RGSL1: variants seen among roughly 807,000 people sequenced by gnomAD.
RGSL1 encodes regulator of G protein signaling protein-like.
In RGSL1, 97 loss-of-function variants were observed where a neutral mutation model predicts 124.7. The observed-to-expected ratio is 0.78, with a 90% CI of 0.66 to 0.92. RGSL1 has a LOEUF of 0.92. Among genes scored for constraint, RGSL1 ranks in the 40% least tolerant of loss-of-function variants. RGSL1 has a pLI of 0.00. For missense variants in RGSL1, 1,233 were observed against 1,288.4 expected, an observed-to-expected ratio of 0.96 and a Z score of 0.66; for synonymous variants, 424 against 438.1, an observed-to-expected ratio of 0.97 and a Z score of 0.40.
At chr1:182,542,557 G>A (rs182478242) in intron 15 of RGSL1, among the ~76,000 whole-genome samples, 1 of 139,816 alleles carries the variant, frequency 7.2e-6, no homozygotes, top group African/African-American at 2.6e-5. Flanking sequence ...GGTCTTTTGT[G>A]GTTCCGTGTA....
At chr1:182,512,831 T>C (rs1657561690) in intron 9 of RGSL1, among the ~76,000 whole-genome samples, 1 of 152,042 alleles carries the variant, frequency 6.6e-6, no homozygotes, top group African/African-American at 2.4e-5. Flanking sequence ...TCCCCTGGAG[T>C]TTGGCTACCC....
Position 182,460,160 on chromosome 1 carries a change from C to CTG in RGSL1, c.301+51_301+52dup, listed in dbSNP as rs10572829. ...TAAGCATTGGTGTGCATGCGTGTGT[C>CTG]TGTGTGTGTGTGTGTGTGTGTGTGT... On this transcript the variant is annotated intron_variant, in intron 4 of 21. Transcript: ENST00000294854. 3.8e-3 allele frequency: 5,475 copies of CTG among 1,429,132 alleles called. 5 individuals carry two copies. The highest frequency in any genetic ancestry group is 6.2e-3 in the Admixed American group (263 of 42,434). The allele number at this position is 1,429,132 out of a possible 1,614,324, so 88.5% of individuals were successfully genotyped here.
At chr1:182,519,217 C>T (rs886819707) in intron 9 of RGSL1, among the ~76,000 whole-genome samples, 1 of 149,000 alleles carries the variant, frequency 6.7e-6, no homozygotes, top group Non-Finnish European at 1.5e-5. Flanking sequence ...CTTTCTTTTT[C>T]ATTGATTTTT....
intron 21 of RGSL1, among the ~76,000 whole-genome samples, chr1:182,558,244 A>G (rs559087518): frequency 6.6e-6 from 1 of 152,240 alleles, no homozygotes; most frequent in Admixed American, 6.5e-5. Context: ...GTCTAGTTTG[A>G]ATAAAAAATA....
chr1:182,555,801 T>C, intron 20 of RGSL1: 1 of 551,400 alleles, frequency 1.8e-6, no homozygotes. Flanking sequence ...ACCAGATACT[T>C]TGAAGCTCTT....
At chr1:182,556,642 T>C (rs547916904) in intron 21 of RGSL1, among the ~76,000 whole-genome samples, 1 of 152,320 alleles carries the variant, frequency 6.6e-6, no homozygotes, top group African/African-American at 2.4e-5. Flanking sequence ...TTTCTGATTT[T>C]TTGTCCTGTT....
intron 11 of RGSL1, 119 bp downstream of exon 11, chr1:182,527,891 T>G: frequency 1.4e-6 from 1 of 701,174 alleles, no homozygotes; most frequent in Non-Finnish European, 2.3e-6. Flanking sequence ...AGCAGCCACA[T>G]GGGGCAATAT....
At chr1:182,466,328 A>G (rs1318821388) in intron 4 of RGSL1, among the ~76,000 whole-genome samples, 1 of 152,198 alleles carries the variant, frequency 6.6e-6, no homozygotes, top group Non-Finnish European at 1.5e-5. Context: ...TTCGGCCAAA[A>G]GAAGAAGGAA....
At chr1:182,514,908 G>T (rs1044574742) in intron 9 of RGSL1, among the ~76,000 whole-genome samples, 17 of 152,216 alleles carry the variant, frequency 1.1e-4, no homozygotes, top group Admixed American at 2.6e-4. Flanking sequence ...AAGGATTCAG[G>T]ATACACTCCA....
In RGSL1 at chr1:182,532,740, C is replaced by T. The variant is rs1445505500; in HGVS notation, c.2443C>T (p.Arg815Cys). The T allele has an allele frequency of 7.1e-6, 11 of 1,550,708 alleles. No homozygotes were observed. Among genetic ancestry groups the T allele is most frequent in the South Asian group, 2.4e-5 (2 of 84,014 alleles). Residue 815 changes from arginine (R) to cysteine (C), a missense_variant, in exon 14 of 22, where the codon CGC (arginine) becomes TGC (cysteine). Physicochemically the swap from Arg to Cys is radical, Grantham distance 180. Coordinates refer to ENST00000294854, the MANE Select transcript of RGSL1 (RefSeq NM_001137669.2). ...CAGATTTATGTTGAATCCTAGTAAG[C>T]GCCAGGAATTTGAAGACTATCTTCA... ...YRRFMLNPSK[R>C]QEFEDYLHQE...
At chr1:182,449,389 A>T (rs896196853), upstream of RGSL1, 1 of 152,160 alleles carries the variant, frequency 6.6e-6, no homozygotes, top group South Asian at 2.1e-4. Context: ...AGCCTTTTGG[A>T]CATTATATAA....
intron 4 of RGSL1, among the ~76,000 whole-genome samples, chr1:182,467,377 G>T (rs550095122): frequency 1.3e-5 from 2 of 152,250 alleles, no homozygotes; most frequent in South Asian, 4.1e-4. Context: ...ATACCACAAG[G>T]CTACAGTAAT....
At chr1:182,475,963 T>G (rs1654259481) in intron 6 of RGSL1, among the ~76,000 whole-genome samples, 1 of 152,188 alleles carries the variant, frequency 6.6e-6, no homozygotes, top group South Asian at 2.1e-4. Flanking sequence ...GCTTCTCTTA[T>G]ACAGATAAGG....
intron 2 of RGSL1, among the ~76,000 whole-genome samples, chr1:182,457,620 C>T (rs1162708844): frequency 6.6e-6 from 1 of 152,310 alleles, no homozygotes; most frequent in Non-Finnish European, 1.5e-5. Flanking sequence ...GCTGAGAGTT[C>T]AGCCAGTAAT....
chr1:182,494,519 T>C (rs952862393), intron 9 of RGSL1, among the ~76,000 whole-genome samples: 2 of 152,158 alleles, frequency 1.3e-5, no homozygotes, highest in African/African-American at 4.8e-5. Context: ...TACTAGAAAA[T>C]TTTAAATTAT....
Position 182,473,845 on chromosome 1 carries a change from G to C in RGSL1, c.734G>C (p.Arg245Pro), listed in dbSNP as rs142698138. ...AAGAAGTGCCACCACTTTCAGAAAC[G>C]GTACTCAAGCAGGAAAGCCAAGAGG... ...SIKKCHHFQK[R>P]YSSRKAKRKM... The change falls in exon 6 of 22, where the codon CGG (arginine) becomes CCG (proline). Residue 245 changes from arginine (R) to proline (P), a missense_variant. Arg to Pro is a moderately radical substitution (Grantham distance 103). Transcript: ENST00000294854. 6.4e-7 allele frequency: 1 copy of C among 1,551,588 alleles called. No homozygotes were observed. The highest frequency in any genetic ancestry group is 1.4e-5 in the African/African-American group (1 of 73,024).
intron 6 of RGSL1, among the ~76,000 whole-genome samples, chr1:182,479,783 T>C (rs1244139053): frequency 6.6e-6 from 1 of 152,068 alleles, no homozygotes; most frequent in African/African-American, 2.4e-5. Context: ...AAGTGAAAGG[T>C]TGAAGAAAGA....
In RGSL1 at chr1:182,502,659, CCT is replaced by C. The variant is rs548999911; in HGVS notation, c.1825+9533_1825+9534del. 2.0e-5 allele frequency among the ~76,000 whole-genome samples: 3 copies of C among 152,256 alleles called. No individual in the cohort carries two copies. In the South Asian group the frequency reaches 6.2e-4, roughly 32 times the overall value. The stretch of plus-strand genomic sequence containing the variant: ...GAAGGCTAGATTATTTACTTGGTAT[CCT>C]CTTTTTTAATATCTGCATTTATAAG... On this transcript the variant is annotated intron_variant, in intron 9 of 21. Transcript: ENST00000294854.
chr1:182,474,403 G>A lies in RGSL1; in HGVS notation c.1292G>A (p.Arg431Lys), dbSNP rs1654118902. 2 of 1,551,938 alleles carry A rather than the reference G, an allele frequency of 1.3e-6. No individual in the cohort carries two copies. The highest frequency in any genetic ancestry group is 3.9e-5 in the Admixed American group (2 of 50,996). ...ATCTTTCGTCACTTGCTGGGTGACAGAATCTGCGAGCTCTACCTGAATGAG... is the reference window on the plus strand; with the variant it reads ...ATCTTTCGTCACTTGCTGGGTGACAAAATCTGCGAGCTCTACCTGAATGAG... The part of the protein sequence containing the change: ...NAIFRHLLGD[R>K]ICELYLNEQI... The change falls in exon 6 of 22, where the codon AGA (arginine) becomes AAA (lysine). Residue 431 changes from arginine (R) to lysine (K), a missense_variant. By Grantham distance (26) the Arg-to-Lys change is conservative. Transcript: ENST00000294854.
Sources: allele counts gnomAD v4.1 joint callset (sites outside exome capture counted in the v4.1 genomes callset), GRCh38; gene constraint gnomAD v4.1.1; transcripts MANE v1.5; gene names NCBI Gene and HGNC (gene_info 2026-07-23, HGNC 2026-07-21).